KLRF1: variants seen among roughly 807,000 people sequenced by gnomAD.
KLRF1 encodes killer cell lectin like receptor F1.
A neutral mutation model predicts 30.7 loss-of-function variants in KLRF1; 27 were observed. That is an observed-to-expected ratio of 0.88 (90% CI 0.65 to 1.21). The LOEUF is 1.21. Among genes scored for constraint, KLRF1 ranks in the 50% most tolerant of loss-of-function variants. The pLI is 0.00. For missense variants in KLRF1, 246 were observed against 259.3 expected, an observed-to-expected ratio of 0.95 and a Z score of 0.35; for synonymous variants, 92 against 89.3, an observed-to-expected ratio of 1.03 and a Z score of -0.17.
chr12:9,809,913 A>G, the KLRF1 span, among the ~76,000 whole-genome samples: 1 of 152,300 alleles, frequency 6.6e-6, no homozygotes, highest in East Asian at 1.9e-4. Context: ...CACCCCATGA[A>G]TAAATCAAAT....
the KLRF1 span, among the ~76,000 whole-genome samples, chr12:9,806,900 C>G: frequency 6.6e-6 from 1 of 152,086 alleles, no homozygotes; most frequent in Non-Finnish European, 1.5e-5. Flanking sequence ...CCAGGCTGGT[C>G]TCAAACTCCT....
the KLRF1 span, among the ~76,000 whole-genome samples, chr12:9,808,658 G>A: frequency 6.6e-6 from 1 of 152,088 alleles, no homozygotes. Flanking sequence ...TTTGGTAGAC[G>A]TTTGAATCAA....
At chr12:9,837,382 A>G (rs773389179) in intron 3 of KLRF1, among the ~76,000 whole-genome samples, 93 of 151,698 alleles carry the variant, frequency 6.1e-4, no homozygotes, top group African/African-American at 2.0e-3. Context: ...ATTTATATGT[A>G]TCTCTATATC....
the KLRF1 span, among the ~76,000 whole-genome samples, chr12:9,821,927 A>C: frequency 6.6e-6 from 1 of 152,242 alleles, no homozygotes. Context: ...CACCCACTCC[A>C]CTATGAGACC....
rs773383874 is a variant in KLRF1 at position 9,840,611 on chromosome 12, AATTTAATC to A, written c.335-1189_335-1182del. On this transcript the variant is annotated intron_variant, in intron 3 of 5. Transcript: ENST00000617889. ...GAAAATAAATTGTTATTCTTGACAT[AATTTAATC>A]ATTTAATCATTAATTAATATTAAGA... 3.0e-3 allele frequency among the ~76,000 whole-genome samples: 455 copies of A among 152,224 alleles called. 3 individuals carry two copies. The highest frequency in any genetic ancestry group is 0.01 in the African/African-American group (431 of 41,544).
At chr12:9,843,075 C>T (rs977995556) in intron 5 of KLRF1, among the ~76,000 whole-genome samples, 4 of 151,996 alleles carry the variant, frequency 2.6e-5, no homozygotes, top group Non-Finnish European at 4.4e-5. Context: ...TGAGGAATCT[C>T]GAGATAGGGA....
At chr12:9,822,655 A>G (rs1867239723), upstream of KLRF1, among the ~76,000 whole-genome samples, 1 of 152,220 alleles carries the variant, frequency 6.6e-6, no homozygotes, top group African/African-American at 2.4e-5. Context: ...TAGCTGCCCC[A>G]TTTAAAAGGT....
chr12:9,815,176 A>C, the KLRF1 span, among the ~76,000 whole-genome samples: 2 of 152,244 alleles, frequency 1.3e-5, no homozygotes, highest in South Asian at 2.1e-4. Flanking sequence ...CTTTTCTTAT[A>C]AATCATGATG....
the KLRF1 span, among the ~76,000 whole-genome samples, chr12:9,809,854 T>C: frequency 4.6e-5 from 7 of 152,186 alleles, no homozygotes; most frequent in Non-Finnish European, 1.0e-4. Context: ...GTAAAACTAC[T>C]GTTTTGAAAA....
intron 2 of KLRF1, 130 bp downstream of exon 2, chr12:9,832,544 A>G: frequency 1.6e-6 from 1 of 614,642 alleles, no homozygotes; most frequent in Non-Finnish European, 2.8e-6. Flanking sequence ...ACTGCATGTA[A>G]AGCTCTATTA....
chr12:9,814,580 ACCCAG>A, the KLRF1 span, among the ~76,000 whole-genome samples: 1 of 152,088 alleles, frequency 6.6e-6, no homozygotes, highest in Non-Finnish European at 1.5e-5. Context: ...CTGACTGAAG[ACCCAG>A]CCTGGCTGCT....
At chr12:9,840,222 T>A (rs1867671044) in intron 3 of KLRF1, among the ~76,000 whole-genome samples, 1 of 152,104 alleles carries the variant, frequency 6.6e-6, no homozygotes, top group African/African-American at 2.4e-5. Context: ...TAGTGACTAC[T>A]TAGTGTTTAT....
At chr12:9,823,730 C>T (rs189557032), upstream of KLRF1, among the ~76,000 whole-genome samples, 10 of 151,476 alleles carry the variant, frequency 6.6e-5, no homozygotes, top group Admixed American at 5.9e-4. Flanking sequence ...AAAAAAGTCT[C>T]TCATTGGACT....
the KLRF1 span, among the ~76,000 whole-genome samples, chr12:9,807,274 G>A: frequency 6.6e-6 from 1 of 151,900 alleles, no homozygotes; most frequent in Non-Finnish European, 1.5e-5. Flanking sequence ...AAATTATTGT[G>A]TTATTACTTT....
rs1209329085 is a variant in KLRF1, at chr12:9,844,530, T to A, written c.*4T>A. The A allele has an allele frequency of 6.7e-6, 10 of 1,483,388 alleles. No individual in the cohort carries two copies. The highest frequency in any genetic ancestry group is 9.4e-6 in the Non-Finnish European group (10 of 1,066,076). The allele number at this position is 1,483,388 out of a possible 1,614,324, so 91.9% of individuals were successfully genotyped here. ...CAAATGGATTTGTCAGTATTAGAGT[T>A]TGACAAAATTCACAGTGAAATAATC... On this transcript the variant is annotated 3_prime_UTR_variant, in exon 6 of 6. Transcript: ENST00000617889.
In KLRF1 at chr12:9,832,401, C is replaced by A. The variant is rs1219835256; in HGVS notation, c.171C>A (p.Ser57=). 1.9e-6 allele frequency: 3 copies of A among 1,592,448 alleles called. No individual in the cohort carries two copies. Among genetic ancestry groups the A allele is most frequent in the Non-Finnish European group, 2.6e-6 (3 of 1,161,336 alleles). ...GTATTCTCACTTTGACTTTGATCTC[C>A]TTGATCCTGTTGGGTAAGTTTAGAA... is the stretch of plus-strand genomic sequence containing the variant. ...VNGILTLTLI[S]LILLVSQGVL... The change falls in exon 2 of 6, where the codon TCC becomes TCA. Residue 57 remains serine, a synonymous_variant. Coordinates refer to ENST00000617889, the MANE Select transcript of KLRF1 (RefSeq NM_016523.3).
At chr12:9,837,350 C>A (rs1375968817) in intron 3 of KLRF1, among the ~76,000 whole-genome samples, 1 of 151,378 alleles carries the variant, frequency 6.6e-6, no homozygotes, top group Non-Finnish European at 1.5e-5. Context: ...ATATGTATCT[C>A]TATATCTATA....
At chr12:9,815,487 T>G in the KLRF1 span, among the ~76,000 whole-genome samples, 1 of 152,232 alleles carries the variant, frequency 6.6e-6, no homozygotes, top group South Asian at 2.1e-4. Context: ...TTGAGGTCTA[T>G]TTCTCTGTCA....
At chr12:9,831,160 T>C (rs1458659542) in intron 1 of KLRF1, among the ~76,000 whole-genome samples, 1 of 151,810 alleles carries the variant, frequency 6.6e-6, no homozygotes, top group Non-Finnish European at 1.5e-5. Flanking sequence ...TTAAAATAAA[T>C]ATATGACTTT....
Sources: allele counts gnomAD v4.1 joint callset (sites outside exome capture counted in the v4.1 genomes callset), GRCh38; gene constraint gnomAD v4.1.1; transcripts MANE v1.5; gene names NCBI Gene and HGNC (gene_info 2026-07-23, HGNC 2026-07-21).